Variants in ATG7 observed in about 807,000 individuals in gnomAD.
ATG7 encodes autophagy related 7.
A neutral mutation model predicts 82.4 loss-of-function variants in ATG7; 70 were observed. The ratio of observed to expected loss-of-function variants is 0.85; its 90% confidence interval spans 0.70 to 1.04. The LOEUF (loss-of-function observed/expected upper bound fraction) is 1.04. ATG7 is among the 50% of genes least tolerant of loss of function. ATG7 has a pLI of 0.00. For synonymous variants in ATG7, 287 were observed against 313.0 expected, an observed-to-expected ratio of 0.92 and a Z score of 0.88; for missense variants, 792 against 864.3, an observed-to-expected ratio of 0.92 and a Z score of 1.05.
At chr3:11,494,469 T>C (rs2090651820) in intron 20 of ATG7, among the ~76,000 whole-genome samples, 1 of 152,196 alleles carries the variant, frequency 6.6e-6, no homozygotes, top group African/African-American at 2.4e-5. Flanking sequence ...TCTGTGTTAA[T>C]TCAAAAGAAA....
At position 11,410,952 on chromosome 3, in the gene ATG7, G is replaced by A. The variant is rs377052937; in HGVS notation, c.1957-15852G>A. Reference sequence around the variant, plus strand: ...GAATTGAATTGCTGGATTCTTTTGGGTATATATCCAGAATTGAATTGCTGG... The same window carrying A: ...GAATTGAATTGCTGGATTCTTTTGGATATATATCCAGAATTGAATTGCTGG... On this transcript the variant is annotated intron_variant, in intron 19 of 20. Coordinates refer to ENST00000693202, the MANE Select transcript of ATG7 (RefSeq NM_001349232.2). Among the ~76,000 whole-genome samples the A allele has an allele frequency of 3.9e-5, 6 of 152,040 alleles. No individual in the cohort carries two copies. In the South Asian group the frequency reaches 1.0e-3, roughly 26 times the overall value.
chr3:11,455,839 A>G (rs1265246577), intron 20 of ATG7, among the ~76,000 whole-genome samples: 3 of 152,168 alleles, frequency 2.0e-5, no homozygotes, highest in African/African-American at 4.8e-5. Context: ...AACCCCACAG[A>G]TGGTTAATTA....
At chr3:11,527,063 GTGTGTGTGTATATA>G (rs1237307071) in intron 20 of ATG7, among the ~76,000 whole-genome samples, 34 of 104,372 alleles carry the variant, frequency 3.3e-4, no homozygotes, top group African/African-American at 7.5e-4. Flanking sequence ...GTGTGTGTGT[GTGTGTGTGTATATA>G]TATATATATA....
intron 19 of ATG7, among the ~76,000 whole-genome samples, chr3:11,407,933 C>A (rs1226737921): frequency 1.3e-5 from 2 of 152,204 alleles, no homozygotes; most frequent in African/African-American, 4.8e-5. Flanking sequence ...AGGCATTTTC[C>A]CCATTGTCTT....
At chr3:11,335,007 A>G (rs947199440) in intron 11 of ATG7, among the ~76,000 whole-genome samples, 4 of 151,700 alleles carry the variant, frequency 2.6e-5, no homozygotes, top group African/African-American at 9.7e-5. Flanking sequence ...CTAGAGTGCT[A>G]CAGTCAGAAG....
At chr3:11,398,455 GATAC>G (rs1201534743) in intron 19 of ATG7, among the ~76,000 whole-genome samples, 2 of 152,266 alleles carry the variant, frequency 1.3e-5, no homozygotes, top group African/African-American at 4.8e-5. Context: ...TGGAAATTCA[GATAC>G]ATACTTATAA....
chr3:11,571,622 G>A, the ATG7 span, among the ~76,000 whole-genome samples: 1 of 152,134 alleles, frequency 6.6e-6, no homozygotes, highest in Non-Finnish European at 1.5e-5. Context: ...AGCCATGACA[G>A]AGCCACTGCA....
chr3:11,414,374 T>C (rs1203413670), intron 19 of ATG7, among the ~76,000 whole-genome samples: 2 of 152,188 alleles, frequency 1.3e-5, no homozygotes, highest in Non-Finnish European at 2.9e-5. Flanking sequence ...CCTAGTCTTA[T>C]TTATTGACTA....
chr3:11,527,689 A>G (rs544984109), intron 20 of ATG7, among the ~76,000 whole-genome samples: 2 of 152,224 alleles, frequency 1.3e-5, no homozygotes, highest in Non-Finnish European at 2.9e-5. Flanking sequence ...AGAAAATTCT[A>G]TCCTAGAAAG....
At chr3:11,479,865 T>C (rs558215254) in intron 20 of ATG7, among the ~76,000 whole-genome samples, 29 of 151,926 alleles carry the variant, frequency 1.9e-4, no homozygotes, top group Admixed American at 1.6e-3. Context: ...GAATATGAAA[T>C]AGTGATTTGA....
At chr3:11,311,791 G>A (rs1248987627) in intron 7 of ATG7, among the ~76,000 whole-genome samples, 2 of 151,994 alleles carry the variant, frequency 1.3e-5, no homozygotes, top group Non-Finnish European at 2.9e-5. Context: ...CAGCTTTGCA[G>A]TTCATTTTGC....
intron 20 of ATG7, among the ~76,000 whole-genome samples, chr3:11,452,015 T>C (rs1317038384): frequency 1.4e-5 from 1 of 71,530 alleles, no homozygotes; most frequent in Non-Finnish European, 2.4e-5. Flanking sequence ...ACCAGGGACT[T>C]GGGGGGTTGG....
chr3:11,539,529 A>G (rs1559816365), intron 20 of ATG7, among the ~76,000 whole-genome samples: 1 of 151,488 alleles, frequency 6.6e-6, no homozygotes, highest in African/African-American at 2.4e-5. Flanking sequence ...TAACTAAATG[A>G]GTGGGAGACT....
At chr3:11,460,966 T>G (rs1408757123) in intron 20 of ATG7, among the ~76,000 whole-genome samples, 1 of 152,164 alleles carries the variant, frequency 6.6e-6, no homozygotes, top group Non-Finnish European at 1.5e-5. Flanking sequence ...AACCTTCCTT[T>G]TCAGAATATA....
intron 20 of ATG7, among the ~76,000 whole-genome samples, chr3:11,483,315 T>C (rs1472529799): frequency 1.3e-5 from 2 of 152,210 alleles, no homozygotes; most frequent in Non-Finnish European, 2.9e-5. Context: ...ATTTTCCAGC[T>C]GCCCAAAATC....
At chr3:11,510,435 A>G (rs573961371) in intron 20 of ATG7, 25 of 364,708 alleles carry the variant, frequency 6.9e-5, no homozygotes, top group South Asian at 5.0e-4. Context: ...GCCTCATTCG[A>G]GGTCTTCTTT....
At chr3:11,460,071 C>G (rs1441152865) in intron 20 of ATG7, among the ~76,000 whole-genome samples, 2 of 152,174 alleles carry the variant, frequency 1.3e-5, no homozygotes, top group African/African-American at 4.8e-5. Flanking sequence ...GAAAGAACAT[C>G]TCATTTAAAG....
intron 20 of ATG7, among the ~76,000 whole-genome samples, chr3:11,472,285 C>T (rs1478507214): frequency 1.3e-5 from 2 of 152,120 alleles, no homozygotes; most frequent in African/African-American, 4.8e-5. Context: ...TAGGCAGGCT[C>T]TTGCCTCCTG....
intron 20 of ATG7, among the ~76,000 whole-genome samples, chr3:11,471,745 C>CTTTTTTTTTTTTTTTTTT (rs200590021): frequency 1.9e-5 from 2 of 105,694 alleles, no homozygotes; most frequent in Non-Finnish European, 3.5e-5. Flanking sequence ...TTTTAGATTT[C>CTTTTTTTTTTTTTTTTTT]TTTTTTTTTT....
Sources: allele counts gnomAD v4.1 joint callset (sites outside exome capture counted in the v4.1 genomes callset), GRCh38; gene constraint gnomAD v4.1.1; transcripts MANE v1.5; gene names NCBI Gene and HGNC (gene_info 2026-07-23, HGNC 2026-07-21).